Variants in IGF2R observed in about 807,000 individuals in gnomAD.
IGF2R encodes insulin like growth factor 2 receptor.
Under a neutral mutation model 270.6 loss-of-function variants are expected in IGF2R, and 91 were observed. The observed-to-expected ratio is 0.34, with a 90% CI of 0.28 to 0.40. The LOEUF is 0.40. Among genes scored for constraint, IGF2R ranks in the 10% least tolerant of loss-of-function variants. The pLI, the probability that IGF2R is intolerant of heterozygous loss-of-function variation, is 1.00. For synonymous variants in IGF2R, 1,316 were observed against 1,258.9 expected, an observed-to-expected ratio of 1.05 and a Z score of -0.96; for missense variants, 2,805 against 3,188.3, an observed-to-expected ratio of 0.88 and a Z score of 2.90.
intron 4 of IGF2R, among the ~76,000 whole-genome samples, chr6:160,012,251 T>C (rs1214020539): frequency 6.6e-6 from 1 of 152,144 alleles, no homozygotes; most frequent in Non-Finnish European, 1.5e-5. Context: ...TGACATACTG[T>C]TAGCGGTGGG....
Position 160,079,587 on chromosome 6 carries a change from G to A in IGF2R, c.5486G>A (p.Arg1829His), listed in dbSNP as rs765271743. 1.3e-5 allele frequency: 18 copies of A among 1,432,430 alleles called. No individual in the cohort carries two copies. In the South Asian group the frequency reaches 2.0e-4, roughly 16 times the overall value. The allele number at this position is 1,432,430 out of a possible 1,614,324, so 88.7% of individuals were successfully genotyped here. Residue 1829 changes from arginine (R) to histidine (H), a missense_variant, in exon 38 of 48, where the codon CGC (arginine) becomes CAC (histidine). Around this residue, in one of 2 missense-constraint regions of IGF2R, gnomAD observed 1,851 missense variants for 2,207.2 expected, o/e 0.84. Transcript: ENST00000356956. ...SLSTSTFKVTRDSRTYSVGVC... is the reference protein window; with the variant it reads ...SLSTSTFKVTHDSRTYSVGVC... ...CGCATGGTTTTTGTCCAGGTGACTC[G>A]CGACTCGCGCACCTACAGCGTTGGG...
chr6:159,969,390 G>T lies in IGF2R; in HGVS notation c.144G>T (p.Leu48=), dbSNP rs1783572693. 8.1e-7 allele frequency: 1 copy of T among 1,238,862 alleles called. No individual in the cohort carries two copies. Among genetic ancestry groups the T allele is most frequent in the Non-Finnish European group, 1.0e-6 (1 of 990,658 alleles). 76.7% of individuals were successfully genotyped at this position (1,238,862 alleles called of 1,614,324 possible). ...CCCAGGCCGCCCCGTTCCCCGAGCT[G>T]TGCAGGTGGGTGGCCCGCCCGGACG... The part of the protein sequence containing the change: ...TQAQAAPFPE[L]CSYTWEAVDT... The change falls in exon 1 of 48, where the codon CTG becomes CTT. Residue 48 remains leucine (L), a synonymous_variant. Transcript: ENST00000356956.
intron 12 of IGF2R, 56 bp from the exon 13 acceptor site, chr6:160,044,458 C>G: frequency 9.2e-6 from 4 of 432,612 alleles, no homozygotes; most frequent in Middle Eastern, 8.3e-4. Flanking sequence ...ACTTCTTTGT[C>G]TGCGTGATGA....
chr6:160,003,267 A>C (rs750065751), intron 2 of IGF2R: 2 of 152,172 alleles, frequency 1.3e-5, no homozygotes, highest in Non-Finnish European at 2.9e-5. Context: ...TTTCCTCTTA[A>C]GTCTTTTATT....
Position 160,043,277 on chromosome 6 carries a change from T to A in IGF2R, c.1610T>A (p.Val537Glu). 1 of 1,613,970 alleles carries A rather than the reference T, an allele frequency of 6.2e-7. No individual in the cohort carries two copies. Among genetic ancestry groups the A allele is most frequent in the Non-Finnish European group, 8.5e-7 (1 of 1,179,928 alleles). ...CGAGGGTGTCCCGAGGACGCGGCAG[T>A]GTGTGCAGTGGGTGAGTTGTGCCTG... is the stretch of plus-strand genomic sequence containing the variant. ...KARGCPEDAA[V>E]CAVDKNGSKN... The change falls in exon 12 of 48, where the codon GTG becomes GAG. Residue 537 changes from valine to glutamate, a missense_variant. Transcript: ENST00000356956.
chr6:159,989,671 A>G (rs2115182141), intron 1 of IGF2R, among the ~76,000 whole-genome samples: 1 of 152,308 alleles, frequency 6.6e-6, no homozygotes, highest in African/African-American at 2.4e-5. Flanking sequence ...GCTTCAAGTG[A>G]TCCTCTGGCC....
At chr6:160,097,576 T>C (rs1047921715) in intron 45 of IGF2R, among the ~76,000 whole-genome samples, 1 of 152,238 alleles carries the variant, frequency 6.6e-6, no homozygotes, top group African/African-American at 2.4e-5. Flanking sequence ...ATAATCTGCC[T>C]GCCTTGGCCT....
chr6:160,074,206 T>C, intron 35 of IGF2R: 1 of 557,722 alleles, frequency 1.8e-6, no homozygotes, highest in African/African-American at 1.9e-5. Context: ...GTAACACGAA[T>C]ATGTGTGTAG....
chr6:160,077,131 C>G (rs1778870399), intron 36 of IGF2R, among the ~76,000 whole-genome samples: 3 of 152,160 alleles, frequency 2.0e-5, no homozygotes, highest in Admixed American at 2.0e-4. Context: ...CACAGGGGCC[C>G]AGAGCACCTC....
chr6:159,974,083 C>A (rs779678794), intron 1 of IGF2R, among the ~76,000 whole-genome samples: 1 of 152,118 alleles, frequency 6.6e-6, no homozygotes, highest in Non-Finnish European at 1.5e-5. Context: ...ACTGTAATGC[C>A]GAATTACAAT....
Position 160,009,024 on chromosome 6 carries a change from A to C in IGF2R, c.304A>C (p.Arg102=), listed in dbSNP as rs1272157562. The part of the protein sequence containing the change: ...TYHSVGDSVL[R]SATRSLLEFN... Reference sequence around the variant, plus strand: ...TCTCCAAATAGGTGACTCTGTTTTGAGAAGTGCAACCAGATCTCTCCTGGA... The same window carrying C: ...TCTCCAAATAGGTGACTCTGTTTTGCGAAGTGCAACCAGATCTCTCCTGGA... Residue 102 remains arginine, a synonymous_variant, in exon 3 of 48, where the codon AGA becomes CGA. Transcript: ENST00000356956. 1 of 1,613,948 alleles carries C rather than the reference A, an allele frequency of 6.2e-7. No individual in the cohort carries two copies. Among genetic ancestry groups the C allele is most frequent in the African/African-American group, 1.3e-5 (1 of 74,914 alleles).
At chr6:160,083,366 A>G (rs1779027377) in intron 39 of IGF2R, among the ~76,000 whole-genome samples, 1 of 152,200 alleles carries the variant, frequency 6.6e-6, no homozygotes. Flanking sequence ...GAGTTGAACA[A>G]ATGTACAATC....
intron 29 of IGF2R, among the ~76,000 whole-genome samples, chr6:160,066,830 G>A (rs1328423175): frequency 1.3e-5 from 2 of 152,206 alleles, no homozygotes; most frequent in Non-Finnish European, 2.9e-5. Flanking sequence ...AGAGCATTTG[G>A]TGATATTCAC....
At chr6:160,021,796 G>T (rs1037932406) in intron 4 of IGF2R, among the ~76,000 whole-genome samples, 1 of 152,090 alleles carries the variant, frequency 6.6e-6, no homozygotes, top group African/African-American at 2.4e-5. Context: ...ATGTAAATTA[G>T]AATGACCTTT....
intron 3 of IGF2R, among the ~76,000 whole-genome samples, chr6:160,009,966 T>C (rs1476668361): frequency 6.9e-6 from 1 of 144,574 alleles, no homozygotes; most frequent in African/African-American, 2.6e-5. Context: ...ATAAATTGCA[T>C]CGTTGTGCAT....
At position 160,050,001 on chromosome 6, in the gene IGF2R, G is replaced by A. The variant is rs1778157327; in HGVS notation, c.2515-472G>A. On this transcript the variant is annotated intron_variant, in intron 18 of 47. Transcript: ENST00000356956. This position sits in a 1 kb window ranked among gnomAD's most constrained non-coding sequence, Gnocchi z 4.0. ...GGCCAAGGTGTGGGGATTGTTTATT[G>A]GTAGAAGAGTGCAGGGTGAAGTCAT... Among the ~76,000 whole-genome samples, 1 of 152,220 alleles carries A rather than the reference G, an allele frequency of 6.6e-6. No individual in the cohort carries two copies.
At chr6:160,003,060 A>G (rs1015040311) in intron 2 of IGF2R, among the ~76,000 whole-genome samples, 7 of 152,174 alleles carry the variant, frequency 4.6e-5, no homozygotes, top group African/African-American at 1.7e-4. Context: ...CTTGTTGGTG[A>G]CCTGGTAGGA....
intron 1 of IGF2R, among the ~76,000 whole-genome samples, chr6:159,977,397 G>C (rs776045701): frequency 9.2e-5 from 14 of 152,200 alleles, no homozygotes; most frequent in Admixed American, 3.9e-4. Context: ...GCTGTAAATT[G>C]TTTTCAGGGA....
chr6:159,978,626 T>C (rs1783731296), intron 1 of IGF2R, among the ~76,000 whole-genome samples: 1 of 151,986 alleles, frequency 6.6e-6, no homozygotes, highest in South Asian at 2.1e-4. Context: ...TGAAAGTGCT[T>C]CATAAATTCC....
Sources: allele counts gnomAD v4.1 joint callset (sites outside exome capture counted in the v4.1 genomes callset), GRCh38; gene constraint gnomAD v4.1.1; regional missense constraint gnomAD v4.1.1; non-coding constraint Gnocchi (gnomAD v3.1); transcripts MANE v1.5; gene names NCBI Gene and HGNC (gene_info 2026-07-23, HGNC 2026-07-21).